The following CACNA1A variants were observed in gnomAD, a reference collection of about 807,000 sequenced individuals.
The protein encoded by CACNA1A is voltage-dependent P/Q-type calcium channel subunit alpha-1A.
CACNA1A carries 57 observed loss-of-function variants against 262.4 expected under a neutral mutation model. The observed-to-expected ratio is 0.22, with a 90% CI of 0.18 to 0.27. The LOEUF (loss-of-function observed/expected upper bound fraction) is 0.27, where lower values mean the gene tolerates loss of function less well. Among genes scored for constraint, CACNA1A ranks in the 10% least tolerant of loss-of-function variants. The pLI, the probability that CACNA1A is intolerant of heterozygous loss-of-function variation, is 1.00. For synonymous variants in CACNA1A, 1,431 were observed against 1,419.3 expected, an observed-to-expected ratio of 1.01 and a Z score of -0.18; for missense variants, 2,526 against 3,562.8, an observed-to-expected ratio of 0.71 and a Z score of 7.41.
intron 10 of CACNA1A, among the ~76,000 whole-genome samples, chr19:13,326,118 C>G (rs547407306): frequency 6.6e-6 from 1 of 152,060 alleles, no homozygotes; most frequent in South Asian, 2.1e-4. Context: ...GAGTTTGAGA[C>G]CAGCCTGGCC....
At chr19:13,438,581 A>G (rs1342845662) in intron 3 of CACNA1A, among the ~76,000 whole-genome samples, 1 of 152,180 alleles carries the variant, frequency 6.6e-6, no homozygotes, top group Non-Finnish European at 1.5e-5. Context: ...GCAGCCAGCT[A>G]ACAGCCAAAC....
chr19:13,307,024 G>A (rs1487027686), intron 15 of CACNA1A, among the ~76,000 whole-genome samples: 1 of 151,774 alleles, frequency 6.6e-6, no homozygotes, highest in African/African-American at 2.4e-5. Flanking sequence ...GTATAGTGGT[G>A]TGATTGTAGC....
intron 3 of CACNA1A, among the ~76,000 whole-genome samples, chr19:13,406,796 A>AC (rs1457836051): frequency 2.0e-4 from 31 of 151,250 alleles, no homozygotes; most frequent in Admixed American, 2.0e-3. Flanking sequence ...AAGCACAACC[A>AC]CCCCTTGTCT....
At chr19:13,373,179 A>C (rs1209819558) in intron 3 of CACNA1A, among the ~76,000 whole-genome samples, 1 of 152,226 alleles carries the variant, frequency 6.6e-6, no homozygotes, top group Non-Finnish European at 1.5e-5. Context: ...TATTTTAGAC[A>C]TGGGGTCTTG....
intron 3 of CACNA1A, among the ~76,000 whole-genome samples, chr19:13,431,626 G>A (rs566137254): frequency 6.6e-6 from 1 of 152,224 alleles, no homozygotes; most frequent in Admixed American, 6.5e-5. Flanking sequence ...CAACCCAAAT[G>A]TCCATCAGTA....
rs191189467 is a variant in CACNA1A, at chr19:13,443,409, A to G, written c.539+9467T>C. Among the ~76,000 whole-genome samples, 331 of 152,238 alleles carry G rather than the reference A, an allele frequency of 2.2e-3. 1 individual carries two copies. Among genetic ancestry groups the G allele is most frequent in the Admixed American group, 3.9e-3 (60 of 15,280 alleles). ...CAGGCTGGAGTGCAGTGGTGTGATC[A>G]TAGTTCACTGCAGCCTCAAATTCCT... On this transcript the variant is annotated intron_variant, in intron 3 of 46. Coordinates refer to ENST00000360228, the MANE Select transcript of CACNA1A (RefSeq NM_001127222.2).
chr19:13,210,835 G>C (rs1015769627), intron 43 of CACNA1A, 183 bp from the exon 44 acceptor site: 14 of 678,534 alleles, frequency 2.1e-5, no homozygotes, highest in Non-Finnish European at 3.1e-5. Flanking sequence ...AGTCCTGGCG[G>C]GTGGGTGTCC....
intron 1 of CACNA1A, among the ~76,000 whole-genome samples, chr19:13,473,977 G>A (rs1487279043): frequency 6.6e-6 from 1 of 152,154 alleles, no homozygotes; most frequent in Non-Finnish European, 1.5e-5. Context: ...AAATATTTGG[G>A]TCTGCCTCGC....
At position 13,504,015 on chromosome 19, in the gene CACNA1A, T is replaced by C. The variant is rs1291407719; in HGVS notation, c.293+1917A>G. The stretch of plus-strand genomic sequence containing the variant: ...TAAGCTAAGGACACAGCAGAAGGGC[T>C]CCCCACCTCCTTCCTTTCCTCTTAG... On this transcript the variant is annotated intron_variant, in intron 1 of 46. Coordinates refer to ENST00000360228, the MANE Select transcript of CACNA1A (RefSeq NM_001127222.2). Among the ~76,000 whole-genome samples, 5 of 151,860 alleles carry C rather than the reference T, an allele frequency of 3.3e-5. No homozygotes were observed. In the East Asian group the frequency reaches 7.8e-4, roughly 24 times the overall value.
intron 1 of CACNA1A, among the ~76,000 whole-genome samples, chr19:13,486,273 T>G (rs947356768): frequency 2.6e-5 from 4 of 152,212 alleles, no homozygotes; most frequent in African/African-American, 9.6e-5. Flanking sequence ...GGTGGCCCTG[T>G]GGCTCTTGAC....
chr19:13,382,003 G>T (rs1351090962), intron 3 of CACNA1A, among the ~76,000 whole-genome samples: 1 of 152,142 alleles, frequency 6.6e-6, no homozygotes, highest in Admixed American at 6.5e-5. Flanking sequence ...GCCGGAAGCT[G>T]GGAGATTGAG....
chr19:13,478,677 C>A (rs1480063529), intron 1 of CACNA1A, among the ~76,000 whole-genome samples: 1 of 152,298 alleles, frequency 6.6e-6, no homozygotes. Context: ...TATTTCACAG[C>A]AGCTTTGTTC....
At chr19:13,371,655 CA>C (rs761308111) in intron 4 of CACNA1A, 32 bp downstream of exon 4, 2 of 1,516,710 alleles carry the variant, frequency 1.3e-6, no homozygotes, top group Non-Finnish European at 1.8e-6. Flanking sequence ...GGCCCGTGAG[CA>C]AACCCCTTGT....
At chr19:13,440,147 A>AG (rs2060690360) in intron 3 of CACNA1A, among the ~76,000 whole-genome samples, 1 of 152,026 alleles carries the variant, frequency 6.6e-6, no homozygotes, top group South Asian at 2.1e-4. Context: ...TTTAAGAGAT[A>AG]GGGGTCTCAC....
intron 3 of CACNA1A, among the ~76,000 whole-genome samples, chr19:13,385,181 G>A (rs2059587595): frequency 6.7e-6 from 1 of 149,910 alleles, no homozygotes; most frequent in Non-Finnish European, 1.5e-5. Flanking sequence ...GGACTTTGAT[G>A]TTCTAGCATG....
At position 13,290,053 on chromosome 19, in the gene CACNA1A, A is replaced by G. The variant is rs138309320; in HGVS notation, c.3090-3087T>C. ...AAGTGATTCTCCTGCCTCAGCCTCC[A>G]GAGTAGCTGGGACTACAGGCCTGTG... On this transcript the variant is annotated intron_variant, in intron 19 of 46. Transcript: ENST00000360228. 7.8e-3 allele frequency among the ~76,000 whole-genome samples: 1,179 copies of G among 151,382 alleles called. 21 individuals carry two copies. Among genetic ancestry groups the G allele is most frequent in the African/African-American group, 0.027 (1,132 of 41,306 alleles).
chr19:13,212,604 C>A lies in CACNA1A; in HGVS notation c.6050+27G>T. 1.3e-6 allele frequency: 2 copies of A among 1,508,960 alleles called. No individual in the cohort carries two copies. The highest frequency in any genetic ancestry group is 1.8e-6 in the Non-Finnish European group (2 of 1,121,740). The allele number at this position is 1,508,960 out of a possible 1,614,324, so 93.5% of individuals were successfully genotyped here. Reference sequence around the variant, plus strand: ...TGGGGACCACGGCACCCCCACACTCCACCTCCCTGGCAGGGGTGACACTCA... The same window carrying A: ...TGGGGACCACGGCACCCCCACACTCAACCTCCCTGGCAGGGGTGACACTCA... On this transcript the variant is annotated intron_variant, in intron 41 of 46. Coordinates refer to ENST00000360228, the MANE Select transcript of CACNA1A (RefSeq NM_001127222.2). This position sits in a 1 kb window ranked among gnomAD's most constrained non-coding sequence, Gnocchi z 5.6.
At position 13,212,096 on chromosome 19, in the gene CACNA1A, C is replaced by T; in HGVS notation, c.6303+7G>A. 6.2e-7 allele frequency: 1 copy of T among 1,600,406 alleles called. No individual in the cohort carries two copies. Among genetic ancestry groups the T allele is most frequent in the Non-Finnish European group, 8.6e-7 (1 of 1,169,276 alleles). On this transcript the variant is annotated splice_region_variant and intron_variant, in intron 43 of 46. Coordinates refer to ENST00000360228, the MANE Select transcript of CACNA1A (RefSeq NM_001127222.2). The surrounding 1 kb of genome is among the most constrained non-coding windows in gnomAD (Gnocchi z 5.6). ...TCCAGCCCCAGGGCAGTGGTGAAAGCCCTCACCTGGTTCTCTGCAGGGAGG... is the reference window on the plus strand; with the variant it reads ...TCCAGCCCCAGGGCAGTGGTGAAAGTCCTCACCTGGTTCTCTGCAGGGAGG...
At chr19:13,391,566 C>T (rs1470894923) in intron 3 of CACNA1A, among the ~76,000 whole-genome samples, 1 of 152,042 alleles carries the variant, frequency 6.6e-6, no homozygotes, top group African/African-American at 2.4e-5. Flanking sequence ...CTAGAAGAGA[C>T]AGGAGCTCGA....
Sources: gnomAD v4.1 joint callset for allele counts (sites outside exome capture counted in the v4.1 genomes callset) on GRCh38, gnomAD v4.1.1 for gene constraint, Gnocchi (gnomAD v3.1) non-coding constraint, MANE v1.5 for transcripts, NCBI Gene and HGNC (gene_info 2026-07-23, HGNC 2026-07-21) for gene names.